The following BORA variants were observed in gnomAD, a reference collection of about 807,000 sequenced individuals.
The protein encoded by BORA is BORA aurora kinase A activator.
Under a neutral mutation model 55.8 loss-of-function variants are expected in BORA, and 26 were observed. The observed-to-expected ratio is 0.47, with a 90% CI of 0.34 to 0.65. BORA has a LOEUF of 0.65. BORA is among the 30% of genes least tolerant of loss of function. The pLI, the probability that BORA is intolerant of heterozygous loss-of-function variation, is 0.01. For missense variants in BORA, 568 were observed against 671.5 expected (o/e 0.85, Z 1.70); for synonymous variants, 201 against 216.9 (o/e 0.93, Z 0.64).
intron 1 of BORA, 154 bp downstream of exon 1, chr13:72,728,161 C>T: frequency 1.8e-6 from 2 of 1,087,788 alleles, no homozygotes; most frequent in South Asian, 1.3e-5. Context: ...AGAGTGGCCA[C>T]GTAGGGTTGG....
intron 4 of BORA, among the ~76,000 whole-genome samples, chr13:72,736,887 T>G (rs1482982493): frequency 6.6e-6 from 1 of 151,928 alleles, no homozygotes; most frequent in East Asian, 1.9e-4. Context: ...TTTTTGTATT[T>G]CTTTACTTTT....
At chr13:72,735,174 A>G (rs2032894049) in intron 4 of BORA, among the ~76,000 whole-genome samples, 169 bp downstream of exon 4, 1 of 152,142 alleles carries the variant, frequency 6.6e-6, no homozygotes, top group Admixed American at 6.5e-5. Flanking sequence ...AAGACCAATA[A>G]TTTCCAGCTA....
chr13:72,730,207 T>G (rs1002056982), intron 2 of BORA, among the ~76,000 whole-genome samples: 2 of 152,220 alleles, frequency 1.3e-5, no homozygotes, highest in African/African-American at 2.4e-5. Context: ...CTGTTTCTGC[T>G]ACACTTTCAT....
chr13:72,739,207 C>T (rs1254449106), intron 5 of BORA, among the ~76,000 whole-genome samples: 1 of 152,150 alleles, frequency 6.6e-6, no homozygotes, highest in Non-Finnish European at 1.5e-5. Flanking sequence ...CCCCCAGATT[C>T]TTTACTGTTG....
rs1354411771 is a variant in BORA, at chr13:72,756,109, A to ACTAT, written c.*896_*899dup. 3 of 396,182 alleles carry ACTAT rather than the reference A, an allele frequency of 7.6e-6. No homozygotes were observed. The highest frequency in any genetic ancestry group is 7.1e-5 in the East Asian group (2 of 27,978). 24.5% of individuals were successfully genotyped at this position (396,182 alleles called of 1,614,324 possible). A position where few individuals can be genotyped will look rare whatever the true frequency, so the allele number is the denominator to read the frequency against. On this transcript the variant is annotated 3_prime_UTR_variant, in exon 12 of 12. Coordinates refer to ENST00000390667, the MANE Select transcript of BORA (RefSeq NM_024808.5). ...GATGGGTATATAACAGTTTGGAAAT[A>ACTAT]CTATCTTTGGAGAATGTATTTTTGT... is the stretch of plus-strand genomic sequence containing the variant.
chr13:72,734,498 CTG>C (rs1316473363), intron 3 of BORA, among the ~76,000 whole-genome samples: 1 of 152,058 alleles, frequency 6.6e-6, no homozygotes, highest in African/African-American at 2.4e-5. Context: ...ATATTTTTGA[CTG>C]TTTAGAACTG....
chr13:72,753,233 C>T (rs2033327512), intron 10 of BORA: 1 of 152,466 alleles, frequency 6.6e-6, no homozygotes, highest in Non-Finnish European at 1.5e-5. Context: ...AAAAGCTGAA[C>T]TAACATCTAG....
At chr13:72,753,617 T>C (rs1566230924) in intron 10 of BORA, 73 bp from the exon 11 acceptor site, 8 of 1,449,792 alleles carry the variant, frequency 5.5e-6, no homozygotes, top group Non-Finnish European at 6.6e-6. Flanking sequence ...TGAGAGTTTA[T>C]AGTGGTTTAC....
chr13:72,753,991 T>C, intron 11 of BORA, 170 bp downstream of exon 11: 1 of 651,372 alleles, frequency 1.5e-6, no homozygotes, highest in Non-Finnish European at 2.5e-6. Flanking sequence ...TTACTCTGAA[T>C]ACACAAGTAT....
At chr13:72,748,827 A>G (rs1253012300) in intron 10 of BORA, among the ~76,000 whole-genome samples, 1 of 152,132 alleles carries the variant, frequency 6.6e-6, no homozygotes, top group Non-Finnish European at 1.5e-5. Flanking sequence ...AATCCAACTA[A>G]CCTTTGGAAG....
chr13:72,755,204 C>T lies in BORA; in HGVS notation c.1668C>T (p.Cys556=). 6.2e-7 allele frequency: 1 copy of T among 1,612,986 alleles called. No homozygotes were observed. Among genetic ancestry groups the T allele is most frequent in the Non-Finnish European group, 8.5e-7 (1 of 1,179,164 alleles). Residue 556 remains cysteine, a synonymous_variant, in exon 12 of 12, where the codon TGC becomes TGT. Transcript: ENST00000390667. ...TGAAAACAGCAAGCCCTTTTCAATG[C>T]AGCAGTCCATAGAATGCCTCTGTCA... ...CWMKTASPFQ[C]SSP is the part of the protein sequence containing the mutation.
At position 72,754,906 on chromosome 13, in the gene BORA, G is replaced by A. The variant is rs2033405451; in HGVS notation, c.1615-245G>A. On this transcript the variant is annotated intron_variant, in intron 11 of 11. Transcript: ENST00000390667. ...TTTTAAAATTTTTGGTAGAGACAGG[G>A]TCTCACTATGTTGCCAGGGCTAGTC... 2.6e-5 allele frequency: 10 copies of A among 381,912 alleles called. No homozygotes were observed. The South Asian group carries it at 3.2e-4, about 12-fold the overall frequency. 23.7% of individuals were successfully genotyped at this position (381,912 alleles called of 1,614,324 possible). A position where few individuals can be genotyped will look rare whatever the true frequency, so the allele number is the denominator to read the frequency against.
At chr13:72,746,121 A>T (rs770240840) in intron 9 of BORA, 45 bp downstream of exon 9, 1 of 1,496,486 alleles carries the variant, frequency 6.7e-7, no homozygotes, top group East Asian at 2.3e-5. Flanking sequence ...TTATACTATC[A>T]ATATTTGTTA....
rs1019026955 is a variant in BORA at position 72,755,313 on chromosome 13, C to T, written c.*97C>T. On this transcript the variant is annotated 3_prime_UTR_variant, in exon 12 of 12. Coordinates refer to ENST00000390667, the MANE Select transcript of BORA (RefSeq NM_024808.5). ...GATGGTGACTGGGAAAAAATTACTT[C>T]AAGTAACATGCTTAGCTTTCCCTCC... is the stretch of plus-strand genomic sequence containing the variant. 6.2e-5 allele frequency: 62 copies of T among 1,004,894 alleles called. No homozygotes were observed. The highest frequency in any genetic ancestry group is 8.8e-5 in the Non-Finnish European group (58 of 658,972). The allele number at this position is 1,004,894 out of a possible 1,614,324, so 62.2% of individuals were successfully genotyped here. A position where few individuals can be genotyped will look rare whatever the true frequency, so the allele number is the denominator to read the frequency against.
At position 72,743,609 on chromosome 13, in the gene BORA, A is replaced by G. The variant is rs1244894484; in HGVS notation, c.454+7A>G. 1 of 1,574,378 alleles carries G rather than the reference A, an allele frequency of 6.4e-7. No homozygotes were observed. Among genetic ancestry groups the G allele is most frequent in the Admixed American group, 1.7e-5 (1 of 58,400 alleles). ...CATTCTGAGAAAAGCGATGGTGAGTATGAACACAATTTGAAAAGAAGGATG... is the reference window on the plus strand; with the variant it reads ...CATTCTGAGAAAAGCGATGGTGAGTGTGAACACAATTTGAAAAGAAGGATG... On this transcript the variant is annotated splice_region_variant and intron_variant, in intron 6 of 11. Transcript: ENST00000390667.
At position 72,755,911 on chromosome 13, in the gene BORA, G is replaced by C. The variant is rs892543981; in HGVS notation, c.*695G>C. The C allele has an allele frequency of 6.5e-5, 26 of 398,474 alleles. No homozygotes were observed. Among genetic ancestry groups the C allele is most frequent in the Non-Finnish European group, 1.1e-4 (25 of 226,082 alleles). 24.7% of individuals were successfully genotyped at this position (398,474 alleles called of 1,614,324 possible). A position where few individuals can be genotyped will look rare whatever the true frequency, so the allele number is the denominator to read the frequency against. On this transcript the variant is annotated 3_prime_UTR_variant, in exon 12 of 12. Transcript: ENST00000390667. ...GCCTAGGGTAGGGACATCCTTTCCA[G>C]CTCAAACGTGGGTAGGGATGTGGGA...
intron 10 of BORA, chr13:72,753,309 A>T (rs1031887012): frequency 2.5e-5 from 4 of 161,502 alleles, no homozygotes; most frequent in Non-Finnish European, 4.1e-5. Flanking sequence ...CACTTTTTTA[A>T]AGGCAGCATG....
chr13:72,734,893 T>G, intron 3 of BORA, 67 bp from the exon 4 acceptor site: 1 of 1,204,170 alleles, frequency 8.3e-7, no homozygotes, highest in Middle Eastern at 2.1e-4. Flanking sequence ...TTTGAAAGGT[T>G]ATTTTTTAAA....
At chr13:72,740,495 T>C (rs938894057) in intron 5 of BORA, among the ~76,000 whole-genome samples, 36 of 152,164 alleles carry the variant, frequency 2.4e-4, no homozygotes, top group African/African-American at 8.7e-4. Context: ...AATATTCACA[T>C]TTCAGGTGCT....
Sources: allele counts gnomAD v4.1 joint callset (sites outside exome capture counted in the v4.1 genomes callset), GRCh38; gene constraint gnomAD v4.1.1; transcripts MANE v1.5; gene names NCBI Gene and HGNC (gene_info 2026-07-23, HGNC 2026-07-21).